Variants in NUP155 observed in about 807,000 individuals in gnomAD.
NUP155 encodes the protein nucleoporin 155.
NUP155 carries 71 observed loss-of-function variants against 180.4 expected under a neutral mutation model. The observed-to-expected ratio is 0.39, with a 90% CI of 0.33 to 0.48. NUP155 has a LOEUF of 0.48. Ranked by LOEUF, NUP155 falls within the 20% of genes least tolerant of loss-of-function variation. The pLI, the probability that NUP155 is intolerant of heterozygous loss-of-function variation, is 0.91. For missense variants in NUP155, 1,553 were observed against 1,648.9 expected (o/e 0.94, Z 1.01); for synonymous variants, 582 against 559.5 (o/e 1.04, Z -0.57).
rs767361670 is a variant in NUP155 at position 37,371,020 on chromosome 5, C to A, written c.-43G>T. On this transcript the variant is annotated 5_prime_UTR_variant, in exon 1 of 35. Transcript: ENST00000231498. ...CCAGGGTCCAGAAAAAGTCAAAAACCAAGGAGAAACAAGAAAAGATCCAAG... is the reference window on the plus strand; with the variant it reads ...CCAGGGTCCAGAAAAAGTCAAAAACAAAGGAGAAACAAGAAAAGATCCAAG... 4 of 1,595,502 alleles carry A rather than the reference C, an allele frequency of 2.5e-6. No individual in the cohort carries two copies. The highest frequency in any genetic ancestry group is 3.4e-6 in the Non-Finnish European group (4 of 1,166,152).
At chr5:37,297,526 A>C (rs1462431590) in intron 32 of NUP155, among the ~76,000 whole-genome samples, 1 of 151,592 alleles carries the variant, frequency 6.6e-6, no homozygotes. Context: ...CCACAGGCGC[A>C]TGCCACTATG....
At chr5:37,364,456 C>T in intron 1 of NUP155, 72 bp from the exon 2 acceptor site, 1 of 1,394,004 alleles carries the variant, frequency 7.2e-7, no homozygotes, top group Non-Finnish European at 1.0e-6. Context: ...GATTGAGTGC[C>T]ACAAAAAAAT....
intron 9 of NUP155, among the ~76,000 whole-genome samples, chr5:37,344,941 G>T (rs911578504): frequency 6.6e-6 from 1 of 151,688 alleles, no homozygotes; most frequent in Non-Finnish European, 1.5e-5. Context: ...CCAGGACTGT[G>T]AGAGGCTGAG....
At chr5:37,370,392 A>T (rs1747884053) in intron 1 of NUP155, among the ~76,000 whole-genome samples, 1 of 152,252 alleles carries the variant, frequency 6.6e-6, no homozygotes, top group Non-Finnish European at 1.5e-5. Flanking sequence ...ACAAATAAAT[A>T]TAAAGCAAAG....
intron 29 of NUP155, 41 bp downstream of exon 29, chr5:37,302,738 A>T (rs1385440872): frequency 6.2e-7 from 1 of 1,606,796 alleles, no homozygotes; most frequent in Non-Finnish European, 8.5e-7. Context: ...CTATGTGGCT[A>T]GTACTCAATG....
chr5:37,328,217 C>T (rs1402995364), intron 17 of NUP155, 141 bp downstream of exon 17: 11 of 705,730 alleles, frequency 1.6e-5, no homozygotes, highest in African/African-American at 3.6e-5. Context: ...AATGCCAAAA[C>T]TTGCTTGGAC....
Position 37,341,220 on chromosome 5 carries a change from A to G in NUP155, c.1116T>C (p.Thr372=), listed in dbSNP as rs749813833. 1.9e-6 allele frequency: 3 copies of G among 1,614,116 alleles called. No individual in the cohort carries two copies. Among genetic ancestry groups the G allele is most frequent in the Non-Finnish European group, 2.5e-6 (3 of 1,179,936 alleles). ...THAGVRLYFS[T]CPFRQPLARP... is the part of the protein sequence containing the mutation. ...GTGCTAATGGCTGTCTGAATGGACA[A>G]GTGCTAAAATATAACCTAACACCTG... The change falls in exon 11 of 35, where the codon ACT becomes ACC. Residue 372 remains threonine (T), a synonymous_variant. Transcript: ENST00000231498.
rs1561773796 is a variant in NUP155, at chr5:37,309,220, T to G, written c.2676A>C (p.Glu892Asp). 1 of 1,613,620 alleles carries G rather than the reference T, an allele frequency of 6.2e-7. No individual in the cohort carries two copies. The change falls in exon 24 of 35, where the codon GAA (glutamate) becomes GAC (aspartate). Residue 892 changes from glutamate (E) to aspartate (D), a missense_variant. Glu to Asp is a conservative substitution (Grantham distance 45). Transcript: ENST00000231498. Reference sequence around the variant, plus strand: ...ATGATTCCCTTAACATTCTTTCTTTTTCAGTCTTATTTTGAACTTGTCGGG... The same window carrying G: ...ATGATTCCCTTAACATTCTTTCTTTGTCAGTCTTATTTTGAACTTGTCGGG... ...QRSRQVQNKT[E>D]KERMLRESLK...
intron 29 of NUP155, among the ~76,000 whole-genome samples, chr5:37,302,097 G>A (rs913967878): frequency 2.0e-5 from 3 of 152,008 alleles, no homozygotes; most frequent in African/African-American, 4.8e-5. Flanking sequence ...TTTGGACGAT[G>A]GTATGTTTTT....
chr5:37,322,483 G>A (rs528149403), intron 20 of NUP155, among the ~76,000 whole-genome samples: 23 of 152,128 alleles, frequency 1.5e-4, no homozygotes, highest in East Asian at 3.9e-4. Flanking sequence ...CGAGGCGGGC[G>A]GATCACGAGG....
At chr5:37,333,824 T>C (rs1296565920) in intron 12 of NUP155, among the ~76,000 whole-genome samples, 191 bp from the exon 13 acceptor site, 1 of 151,992 alleles carries the variant, frequency 6.6e-6, no homozygotes, top group Non-Finnish European at 1.5e-5. Context: ...TTTTTGTTTT[T>C]TTTTTGAGAC....
chr5:37,314,848 A>G (rs1384368583), intron 21 of NUP155, among the ~76,000 whole-genome samples: 1 of 152,192 alleles, frequency 6.6e-6, no homozygotes, highest in Non-Finnish European at 1.5e-5. Context: ...ATAGTAAAAA[A>G]GAATTTACAA....
At position 37,325,779 on chromosome 5, in the gene NUP155, A is replaced by AAC. The variant is rs1311257130; in HGVS notation, c.2091+121_2091+122insGT. On this transcript the variant is annotated intron_variant, in intron 19 of 34. Coordinates refer to ENST00000231498, the MANE Select transcript of NUP155 (RefSeq NM_153485.3). ...GCAGGACTCTGTCTCAAAAAAAAAA[A>AAC]AAAAAAAAAAAATAACCTTTGCCAT... 13 of 656,120 alleles carry AAC rather than the reference A, an allele frequency of 2.0e-5. No homozygotes were observed. The African/African-American group carries it at 2.2e-4, about 11-fold the overall frequency. The allele number at this position is 656,120 out of a possible 1,614,324, so 40.6% of individuals were successfully genotyped here.
chr5:37,323,359 C>G (rs1241529734), intron 20 of NUP155, among the ~76,000 whole-genome samples: 1 of 152,012 alleles, frequency 6.6e-6, no homozygotes, highest in Non-Finnish European at 1.5e-5. Flanking sequence ...CTGAAACAAC[C>G]CAAATATCTA....
At chr5:37,341,363 A>C (rs1745709395) in intron 10 of NUP155, 121 bp from the exon 11 acceptor site, 3 of 872,386 alleles carry the variant, frequency 3.4e-6, no homozygotes, top group African/African-American at 3.3e-5. Flanking sequence ...AACTTTCCTG[A>C]CTAATTTTTA....
intron 20 of NUP155, among the ~76,000 whole-genome samples, chr5:37,319,651 A>C (rs754629286): frequency 6.6e-6 from 1 of 152,172 alleles, no homozygotes; most frequent in Non-Finnish European, 1.5e-5. Flanking sequence ...GGATCACCTA[A>C]GCCCAGGAGT....
Position 37,325,963 on chromosome 5 carries a change from T to C in NUP155, c.2029A>G (p.Ile677Val), listed in dbSNP as rs1448027222. ...CIYFSRIMGN[I>V]WDASLVVERI... Reference sequence around the variant, plus strand: ...TCCACAACTAAGCTTGCATCCCAAATGTTTCTGGAAAAAAAAAAGTTTTAA... The same window carrying C: ...TCCACAACTAAGCTTGCATCCCAAACGTTTCTGGAAAAAAAAAAGTTTTAA... The change falls in exon 19 of 35, where the codon ATT becomes GTT. Residue 677 changes from isoleucine to valine, a missense_variant. Ile to Val is a conservative substitution (Grantham distance 29). Coordinates refer to ENST00000231498, the MANE Select transcript of NUP155 (RefSeq NM_153485.3). The C allele has an allele frequency of 1.2e-6, 2 of 1,608,324 alleles. No individual in the cohort carries two copies. Among genetic ancestry groups the C allele is most frequent in the Non-Finnish European group, 1.7e-6 (2 of 1,176,688 alleles).
At chr5:37,362,350 G>A (rs1294750587) in intron 3 of NUP155, among the ~76,000 whole-genome samples, 1 of 151,152 alleles carries the variant, frequency 6.6e-6, no homozygotes, top group Non-Finnish European at 1.5e-5. Flanking sequence ...GTGCAATGGC[G>A]CGATCTCGGC....
At chr5:37,364,177 G>C in intron 2 of NUP155, 70 bp downstream of exon 2, 1 of 1,323,632 alleles carries the variant, frequency 7.6e-7, no homozygotes, top group Non-Finnish European at 1.1e-6. Context: ...ATTAAACATA[G>C]AACAAGAATT....
Sources: allele counts gnomAD v4.1 joint callset (sites outside exome capture counted in the v4.1 genomes callset), GRCh38; gene constraint gnomAD v4.1.1; transcripts MANE v1.5; gene names NCBI Gene and HGNC (gene_info 2026-07-23, HGNC 2026-07-21).